LRRC4C: variants seen among roughly 807,000 people sequenced by gnomAD.
LRRC4C encodes the protein leucine rich repeat containing 4C, also known as leucine-rich repeat-containing protein 4C.
A neutral mutation model predicts 33.6 loss-of-function variants in LRRC4C; 5 were observed. The ratio of observed to expected loss-of-function variants is 0.15; its 90% CI spans 0.08 to 0.31. LRRC4C has a LOEUF of 0.31. LRRC4C is among the 10% of genes least tolerant of loss of function. The probability of loss-of-function intolerance (pLI) is 1.00; values close to 1 mark genes in which losing one functional copy is unlikely to be tolerated. For missense variants in LRRC4C, 560 were observed against 796.7 expected (o/e 0.70, Z 3.58); for synonymous variants, 329 against 302.0 (o/e 1.09, Z -0.93).
At chr11:40,795,032 C>T (rs1950770736) in intron 2 of LRRC4C, among the ~76,000 whole-genome samples, 1 of 152,154 alleles carries the variant, frequency 6.6e-6, no homozygotes, top group South Asian at 2.1e-4. Flanking sequence ...CAAATCTTCC[C>T]ATCACTTCAG....
intron 2 of LRRC4C, among the ~76,000 whole-genome samples, chr11:40,860,077 C>T (rs1954001627): frequency 1.4e-5 from 2 of 138,740 alleles, no homozygotes; most frequent in Non-Finnish European, 3.1e-5. Context: ...CAGAGCGAGA[C>T]TCTGTCCCCC....
intron 3 of LRRC4C, among the ~76,000 whole-genome samples, chr11:40,410,036 T>G (rs558264791): frequency 2.0e-5 from 3 of 152,180 alleles, no homozygotes; most frequent in Admixed American, 6.6e-5. Flanking sequence ...AATAAAGTTT[T>G]ATTGGAACAC....
intron 1 of LRRC4C, among the ~76,000 whole-genome samples, chr11:41,166,764 G>T (rs1485503016): frequency 6.6e-6 from 1 of 152,148 alleles, no homozygotes; most frequent in Non-Finnish European, 1.5e-5. Context: ...ATCAATATTT[G>T]TTAAATTGAA....
intron 2 of LRRC4C, among the ~76,000 whole-genome samples, chr11:40,687,948 G>T (rs771333642): frequency 6.0e-5 from 9 of 151,104 alleles, no homozygotes; most frequent in Non-Finnish European, 1.2e-4. Context: ...TAAATACCTG[G>T]ATAAACAATA....
intron 1 of LRRC4C, among the ~76,000 whole-genome samples, chr11:41,456,166 CT>C (rs1742978315): frequency 6.6e-6 from 1 of 152,150 alleles, no homozygotes; most frequent in Non-Finnish European, 1.5e-5. Context: ...CCTTCATTTT[CT>C]GTTGTAGGCT....
chr11:40,592,761 A>C (rs1423186668), intron 3 of LRRC4C, among the ~76,000 whole-genome samples: 1 of 152,114 alleles, frequency 6.6e-6, no homozygotes, highest in Non-Finnish European at 1.5e-5. Flanking sequence ...TGCACAGACT[A>C]CTTCCATGGC....
At chr11:40,841,288 T>C (rs1406069895) in intron 2 of LRRC4C, among the ~76,000 whole-genome samples, 1 of 152,192 alleles carries the variant, frequency 6.6e-6, no homozygotes, top group African/African-American at 2.4e-5. Context: ...GTCCCAATCC[T>C]TGTCCTGCTG....
At chr11:40,809,235 T>C (rs1951380103) in intron 2 of LRRC4C, among the ~76,000 whole-genome samples, 1 of 152,182 alleles carries the variant, frequency 6.6e-6, no homozygotes, top group South Asian at 2.1e-4. Context: ...TTCTCCACTA[T>C]GCTGCTGAAC....
chr11:41,420,971 GATAAT>G (rs1954854735), intron 1 of LRRC4C, among the ~76,000 whole-genome samples: 2 of 151,930 alleles, frequency 1.3e-5, no homozygotes, highest in Admixed American at 1.3e-4. Flanking sequence ...TATATAAGAA[GATAAT>G]ATAATGTAAT....
chr11:41,107,326 C>A (rs1452820101), intron 1 of LRRC4C, among the ~76,000 whole-genome samples: 2 of 152,048 alleles, frequency 1.3e-5, no homozygotes, highest in South Asian at 2.1e-4. Context: ...TGCTATTGAT[C>A]TTTTTATTAA....
At chr11:40,932,502 G>T (rs1324576995) in intron 2 of LRRC4C, among the ~76,000 whole-genome samples, 1 of 152,100 alleles carries the variant, frequency 6.6e-6, no homozygotes, top group Non-Finnish European at 1.5e-5. Context: ...AGAGAAACAT[G>T]TTTGGTTTTA....
At chr11:40,822,762 G>A (rs1951993383) in intron 2 of LRRC4C, among the ~76,000 whole-genome samples, 1 of 151,582 alleles carries the variant, frequency 6.6e-6, no homozygotes, top group Non-Finnish European at 1.5e-5. Context: ...ATTTTCTAAA[G>A]CGCTTCCCTA....
chr11:40,650,149 A>T (rs1942704234), intron 2 of LRRC4C, among the ~76,000 whole-genome samples: 1 of 152,216 alleles, frequency 6.6e-6, no homozygotes, highest in Non-Finnish European at 1.5e-5. Flanking sequence ...TATCCTAATT[A>T]TGATGAAACA....
At chr11:41,389,639 C>CAAAAAAAAAAAAAAAAAAAAA (rs56194204) in intron 1 of LRRC4C, among the ~76,000 whole-genome samples, 6 of 80,950 alleles carry the variant, frequency 7.4e-5, no homozygotes, top group East Asian at 5.4e-4. Context: ...CAGTGAGCAG[C>CAAAAAAAAAAAAAAAAAAAAA]AAAAAAAAAA....
intron 2 of LRRC4C, among the ~76,000 whole-genome samples, chr11:40,825,951 C>A (rs113926941): frequency 6.7e-4 from 8 of 11,912 alleles, no homozygotes; most frequent in African/African-American, 1.1e-3. Flanking sequence ...GGGGGGGGGG[C>A]GTCTCACATA....
chr11:40,412,217 A>C (rs1382051957), intron 3 of LRRC4C, among the ~76,000 whole-genome samples: 1 of 152,084 alleles, frequency 6.6e-6, no homozygotes, highest in African/African-American at 2.4e-5. Context: ...GCAAAATACA[A>C]ATAACAACAA....
At chr11:41,279,468 C>T (rs1191190033) in intron 1 of LRRC4C, among the ~76,000 whole-genome samples, 1 of 149,806 alleles carries the variant, frequency 6.7e-6, no homozygotes, top group Admixed American at 6.7e-5. Context: ...AAGAAGGCAG[C>T]TTCTTTGCCT....
intron 1 of LRRC4C, among the ~76,000 whole-genome samples, chr11:41,012,973 T>TTAA (rs1320088816): frequency 1.3e-5 from 2 of 152,218 alleles, no homozygotes; most frequent in Admixed American, 6.5e-5. Context: ...TATACTCTGG[T>TTAA]TAATAATCTT....
Position 40,956,322 on chromosome 11 carries a change from C to T in LRRC4C, c.-495-22599G>A, listed in dbSNP as rs976793924. On this transcript the variant is annotated intron_variant, in intron 1 of 6. Transcript: ENST00000528697. Reference sequence around the variant, plus strand: ...TTTAAAAAGGAATTCTTATAAATTACGAGCAAACATTCTGCCTAAGTCTCA... The same window carrying T: ...TTTAAAAAGGAATTCTTATAAATTATGAGCAAACATTCTGCCTAAGTCTCA... 4.6e-5 allele frequency among the ~76,000 whole-genome samples: 7 copies of T among 151,832 alleles called. 1 individual carries two copies. The East Asian group carries it at 7.8e-4, about 17-fold the overall frequency.
Sources: allele counts gnomAD v4.1 joint callset (sites outside exome capture counted in the v4.1 genomes callset), GRCh38; gene constraint gnomAD v4.1.1; transcripts MANE v1.5; gene names NCBI Gene and HGNC (gene_info 2026-07-23, HGNC 2026-07-21).